The following KRT84 variants were observed in gnomAD, a reference collection of about 807,000 sequenced individuals.
The protein encoded by KRT84 is keratin 84.
A neutral mutation model predicts 49.0 loss-of-function variants in KRT84; 38 were observed. The observed-to-expected ratio is 0.78, with a 90% confidence interval of 0.60 to 1.02. KRT84 has a LOEUF of 1.02. Among genes scored for constraint, KRT84 ranks in the 50% least tolerant of loss-of-function variants. The pLI is 0.00. For synonymous variants in KRT84, 334 were observed against 312.8 expected (o/e 1.07, Z -0.72); for missense variants, 860 against 788.6 (o/e 1.09, Z -1.08).
At chr12:52,382,337 A>G in intron 4 of KRT84, 100 bp downstream of exon 4, 1 of 774,030 alleles carries the variant, frequency 1.3e-6, no homozygotes, top group Admixed American at 2.1e-5. Context: ...AAGATATATG[A>G]TAGCAAATGT....
Position 52,381,396 on chromosome 12 carries a change from TGCGCCTGGCC to T in KRT84, c.1032_1041del (p.Arg346GlyfsTer17). The T allele has an allele frequency of 6.2e-7, 1 of 1,614,218 alleles. No homozygotes were observed. The highest frequency in any genetic ancestry group is 8.5e-7 in the Non-Finnish European group (1 of 1,180,048). On this transcript the variant is annotated frameshift_variant, in exon 5 of 9. Coordinates refer to ENST00000257951, the MANE Select transcript of KRT84 (RefSeq NM_033045.4). LOFTEE classifies it high-confidence loss of function. ...TACCAGGCCTCAGCATCAGCCCGGCTGCGCCTGGCCACCTCCTCATACTGGGCCTTGACCT... is the reference window on the plus strand; with the variant it reads ...TACCAGGCCTCAGCATCAGCCCGGCTACCTCCTCATACTGGGCCTTGACCT...
Position 52,378,128 on chromosome 12 carries a change from A to AG in KRT84, c.1708dup (p.Leu570ProfsTer62). Reference sequence around the variant, plus strand: ...GCTGCTGAAGCCCCCCTGGGTGGGCAGGGGGCAGGGGACGCTGGGGACACA... The same window carrying AG: ...GCTGCTGAAGCCCCCCTGGGTGGGCAGGGGGGCAGGGGACGCTGGGGACACA... On this transcript the variant is annotated frameshift_variant, in exon 9 of 9. Coordinates refer to ENST00000257951, the MANE Select transcript of KRT84 (RefSeq NM_033045.4). LOFTEE classifies it high-confidence loss of function. 1.3e-6 allele frequency: 2 copies of AG among 1,547,782 alleles called. No homozygotes were observed. The highest frequency in any genetic ancestry group is 1.7e-6 in the Non-Finnish European group (2 of 1,150,640).
At chr12:52,381,596 G>A (rs1018084139) in intron 4 of KRT84, 71 bp from the exon 5 acceptor site, 87 of 1,503,218 alleles carry the variant, frequency 5.8e-5, no homozygotes, top group Non-Finnish European at 7.3e-5. Context: ...GCCACAGGGG[G>A]CCCAGGAAGT....
chr12:52,381,347 C>T lies in KRT84; in HGVS notation c.1077+14G>A. The T allele has an allele frequency of 6.2e-7, 1 of 1,614,114 alleles. No individual in the cohort carries two copies. The highest frequency in any genetic ancestry group is 8.5e-7 in the Non-Finnish European group (1 of 1,179,984). On this transcript the variant is annotated intron_variant, in intron 5 of 8. Coordinates refer to ENST00000257951, the MANE Select transcript of KRT84 (RefSeq NM_033045.4). ...AGAGCTGCCTACATCCCTTCCCCAG[C>T]CTCCACTGCCCACCTTGGTCTGGTA...
intron 4 of KRT84, 85 bp from the exon 5 acceptor site, chr12:52,381,610 G>A: frequency 7.3e-7 from 1 of 1,365,220 alleles, no homozygotes; most frequent in Non-Finnish European, 1.0e-6. Flanking sequence ...AGGAAGTGGT[G>A]CCAGGGGCAG....
At position 52,385,556 on chromosome 12, in the gene KRT84, A is replaced by C; in HGVS notation, c.30T>G (p.Ser10=). MSCRSYRVS[S]GHRVGNFSSC... The stretch of plus-strand genomic sequence containing the variant: ...AGCTGAAGTTGCCCACCCGGTGACC[A>C]GAGCTGACTCGGTAGGAGCGGCAAG... Residue 10 remains serine, a synonymous_variant, in exon 1 of 9, where the codon TCT becomes TCG. Transcript: ENST00000257951. 6.2e-7 allele frequency: 1 copy of C among 1,613,948 alleles called. No individual in the cohort carries two copies. Among genetic ancestry groups the C allele is most frequent in the Middle Eastern group, 1.6e-4 (1 of 6,062 alleles).
intron 2 of KRT84, among the ~76,000 whole-genome samples, chr12:52,383,365 C>A (rs777665338): frequency 3.3e-5 from 5 of 152,172 alleles, no homozygotes; most frequent in Admixed American, 6.5e-5. Flanking sequence ...GACTATAGAG[C>A]AAGTAGGGCC....
upstream of KRT84, among the ~76,000 whole-genome samples, chr12:52,386,071 T>C (rs996712487): frequency 6.6e-6 from 1 of 152,138 alleles, no homozygotes; most frequent in Admixed American, 6.5e-5. Flanking sequence ...CCTAAAGAGG[T>C]GGGAGTGTGT....
chr12:52,381,272 G>T, intron 5 of KRT84, 67 bp from the exon 6 acceptor site: 1 of 1,609,436 alleles, frequency 6.2e-7, no homozygotes. Flanking sequence ...CCACTGAGTT[G>T]GGGGCTTCAA....
At chr12:52,384,922 A>C in intron 1 of KRT84, 118 bp downstream of exon 1, 1 of 1,088,930 alleles carries the variant, frequency 9.2e-7, no homozygotes, top group Non-Finnish European at 1.3e-6. Flanking sequence ...GGCACTTGAA[A>C]GATCTGAGGT....
chr12:52,385,452 C>T lies in KRT84; in HGVS notation c.134G>A (p.Arg45Gln), dbSNP rs540476313. The T allele has an allele frequency of 1.4e-5, 23 of 1,614,188 alleles. No individual in the cohort carries two copies. The East Asian group carries it at 3.1e-4, about 22-fold the overall frequency. The stretch of plus-strand genomic sequence containing the variant: ...CCGACTACCAAAGCTGCCAAGGCCC[C>T]GGAATCCAGGCCCACTCCAACAGGA... ...SVSCWSGPGFRGLGSFGSRSV... is the reference protein window; with the variant it reads ...SVSCWSGPGFQGLGSFGSRSV... The change falls in exon 1 of 9, where the codon CGG becomes CAG. Residue 45 changes from arginine (R) to glutamine (Q), a missense_variant. Arg to Gln is a conservative substitution (Grantham distance 43). Transcript: ENST00000257951.
intron 8 of KRT84, among the ~76,000 whole-genome samples, chr12:52,378,943 G>T (rs1161906373): frequency 1.3e-5 from 2 of 152,150 alleles, no homozygotes; most frequent in Non-Finnish European, 2.9e-5. Context: ...AGAAGAGCTT[G>T]CTAGACCAGC....
At chr12:52,386,365 C>T (rs111619547), upstream of KRT84, among the ~76,000 whole-genome samples, 24 of 150,206 alleles carry the variant, frequency 1.6e-4, no homozygotes, top group Non-Finnish European at 8.8e-5. Context: ...TCTCTATCTT[C>T]ATGGTAGTAG....
chr12:52,385,552 G>T lies in KRT84; in HGVS notation c.34C>A (p.His12Asn). The T allele has an allele frequency of 6.2e-7, 1 of 1,614,030 alleles. No homozygotes were observed. The highest frequency in any genetic ancestry group is 1.1e-5 in the South Asian group (1 of 91,054). Reference sequence around the variant, plus strand: ...CAAGAGCTGAAGTTGCCCACCCGGTGACCAGAGCTGACTCGGTAGGAGCGG... The same window carrying T: ...CAAGAGCTGAAGTTGCCCACCCGGTTACCAGAGCTGACTCGGTAGGAGCGG... ...SCRSYRVSSG[H>N]RVGNFSSCSA... Residue 12 changes from histidine (H) to asparagine (N), a missense_variant, in exon 1 of 9, where the codon CAC (histidine) becomes AAC (asparagine). Physicochemically the swap from His to Asn is moderately conservative, Grantham distance 68. Transcript: ENST00000257951.
Position 52,379,254 on chromosome 12 carries a change from A to G in KRT84, c.1456+622T>C, listed in dbSNP as rs552899961. 1.5e-4 allele frequency among the ~76,000 whole-genome samples: 23 copies of G among 152,322 alleles called. No homozygotes were observed. The East Asian group carries it at 3.7e-3, about 24-fold the overall frequency. The stretch of plus-strand genomic sequence containing the variant: ...TTCGCTTTGTAAGTTCTGGCAAATC[A>G]TGTACTTTCTCTGAGTGGGCAAAAC... On this transcript the variant is annotated intron_variant, in intron 8 of 8. Transcript: ENST00000257951.
At chr12:52,379,593 C>T (rs891076578) in intron 8 of KRT84, among the ~76,000 whole-genome samples, 5 of 152,208 alleles carry the variant, frequency 3.3e-5, no homozygotes, top group Non-Finnish European at 5.9e-5. Context: ...TCTAAGTTCC[C>T]TTGAAGGACA....
chr12:52,385,708 C>A (rs1197588866), upstream of KRT84: 5 of 999,412 alleles, frequency 5.0e-6, no homozygotes, highest in African/African-American at 1.6e-5. Context: ...GAGGCTTGGC[C>A]CCATAAAAAT....
chr12:52,385,965 T>G (rs1276804970), upstream of KRT84, among the ~76,000 whole-genome samples: 1 of 152,142 alleles, frequency 6.6e-6, no homozygotes, highest in Non-Finnish European at 1.5e-5. Flanking sequence ...ATGCAATAGG[T>G]TTTTTCACTG....
Position 52,377,950 on chromosome 12 carries a change from C to T in KRT84, c.*84G>A, listed in dbSNP as rs568653521. The T allele has an allele frequency of 5.1e-5, 57 of 1,110,346 alleles. No homozygotes were observed. In the South Asian group the frequency reaches 1.2e-3, roughly 24 times the overall value. 68.8% of individuals were successfully genotyped at this position (1,110,346 alleles called of 1,614,324 possible). Reference sequence around the variant, plus strand: ...GAAAGGGGAGCTGGAGACCGTCAAGCCCAGAGCCCACGAACCCTGGGGGCA... The same window carrying T: ...GAAAGGGGAGCTGGAGACCGTCAAGTCCAGAGCCCACGAACCCTGGGGGCA... On this transcript the variant is annotated 3_prime_UTR_variant, in exon 9 of 9. Transcript: ENST00000257951.
Sources: gnomAD v4.1 joint callset for allele counts (sites outside exome capture counted in the v4.1 genomes callset) on GRCh38, gnomAD v4.1.1 for gene constraint, MANE v1.5 for transcripts, NCBI Gene and HGNC (gene_info 2026-07-23, HGNC 2026-07-21) for gene names.